The following DNAH3 variants were observed in gnomAD, a reference collection of about 807,000 sequenced individuals.
DNAH3 encodes axonemal beta dynein heavy chain 3.
Under a neutral mutation model 432.5 loss-of-function variants are expected in DNAH3, and 332 were observed. That is an observed-to-expected ratio of 0.77 (90% CI 0.70 to 0.84). The LOEUF is 0.84. DNAH3 is among the 40% of genes least tolerant of loss of function. The pLI is 0.00. For synonymous variants in DNAH3, 1,956 were observed against 1,900.2 expected (o/e 1.03, Z -0.76); for missense variants, 4,861 against 5,114.0 (o/e 0.95, Z 1.51).
chr16:20,943,719 G>A (rs965284183), intron 58 of DNAH3, among the ~76,000 whole-genome samples: 3 of 152,260 alleles, frequency 2.0e-5, no homozygotes, highest in East Asian at 1.9e-4. Context: ...AGTGGCTCAC[G>A]CCTGTAATCC....
At position 20,948,492 on chromosome 16, in the gene DNAH3, G is replaced by A. The variant is rs1273673413; in HGVS notation, c.11334C>T (p.Gly3778=). 6 of 1,613,426 alleles carry A rather than the reference G, an allele frequency of 3.7e-6. No homozygotes were observed. The African/African-American group carries it at 6.7e-5, about 18-fold the overall frequency. ...CCTGCCCACCCCTTACCTGGTAGGAGCCATGAGGAGGGATGTAGTAAGTGT... is the reference window on the plus strand; with the variant it reads ...CCTGCCCACCCCTTACCTGGTAGGAACCATGAGGAGGGATGTAGTAAGTGT... The change falls in exon 57 of 62, where the codon GGC becomes GGT. Residue 3778 remains glycine, a synonymous_variant. Transcript: ENST00000261383.
rs994147227 is a variant in DNAH3 at position 20,988,183 on chromosome 16, C to T, written c.6602-118G>A. The T allele has an allele frequency of 1.0e-5, 14 of 1,359,080 alleles. No individual in the cohort carries two copies. The African/African-American group carries it at 1.7e-4, about 17-fold the overall frequency. The allele number at this position is 1,359,080 out of a possible 1,614,324, so 84.2% of individuals were successfully genotyped here. ...TCTGCCTTCATGTTCCAGAGCTGTGCTGTGCAATATGGCAACCTCTAGCCA... is the reference window on the plus strand; with the variant it reads ...TCTGCCTTCATGTTCCAGAGCTGTGTTGTGCAATATGGCAACCTCTAGCCA... On this transcript the variant is annotated intron_variant, in intron 44 of 61. Transcript: ENST00000261383.
chr16:21,042,123 A>G (rs2152733798), exon 32 of DNAH3: 2 of 1,613,754 alleles, frequency 1.2e-6, no homozygotes, highest in East Asian at 2.2e-5. Flanking sequence ...CAGTCCCTTC[A>G]AAGATGAATG....
At chr16:20,969,414 CTCTT>C (rs1325395249) in intron 52 of DNAH3, among the ~76,000 whole-genome samples, 2 of 152,094 alleles carry the variant, frequency 1.3e-5, no homozygotes, top group Non-Finnish European at 2.9e-5. Flanking sequence ...TTCCCTAACT[CTCTT>C]TCTCTGCTTC....
At chr16:21,156,246 TA>T (rs2092896984) in intron 1 of DNAH3, among the ~76,000 whole-genome samples, 1 of 151,640 alleles carries the variant, frequency 6.6e-6, no homozygotes, top group Non-Finnish European at 1.5e-5. Flanking sequence ...TATTTTATTT[TA>T]ATGAGCCAGG....
intron 13 of DNAH3, 46 bp downstream of exon 13, chr16:21,111,947 G>A: frequency 6.4e-7 from 1 of 1,559,412 alleles, no homozygotes; most frequent in East Asian, 2.3e-5. Flanking sequence ...TGGATTGTCT[G>A]CAGCACATGT....
chr16:21,050,276 G>A (rs2089899921), intron 29 of DNAH3, among the ~76,000 whole-genome samples: 1 of 152,148 alleles, frequency 6.6e-6, no homozygotes, highest in South Asian at 2.1e-4. Flanking sequence ...ACAGTGTCCA[G>A]CACATGAGTG....
intron 19 of DNAH3, among the ~76,000 whole-genome samples, chr16:21,084,401 C>T (rs7187196): frequency 0.061 from 9,302 of 152,086 alleles, 615 homozygotes; most frequent in African/African-American, 0.16. Context: ...CAGCTCACTG[C>T]AGCCTCAACC....
At chr16:21,003,187 A>G in exon 42 of DNAH3, 1 of 1,609,558 alleles carries the variant, frequency 6.2e-7, no homozygotes, top group South Asian at 1.1e-5. Context: ...TGTTTGATAA[A>G]ATAAAAATCA....
At chr16:21,152,861 G>A (rs546605888) in intron 1 of DNAH3, among the ~76,000 whole-genome samples, 88 of 152,338 alleles carry the variant, frequency 5.8e-4, no homozygotes, top group African/African-American at 2.0e-3. Flanking sequence ...CTTGCAGCCC[G>A]CCATGCCTGA....
At chr16:20,943,507 A>T (rs1166803438) in intron 58 of DNAH3, among the ~76,000 whole-genome samples, 2 of 152,128 alleles carry the variant, frequency 1.3e-5, no homozygotes, top group Non-Finnish European at 2.9e-5. Context: ...TACAGGTGCG[A>T]TTCACTGCAC....
At chr16:21,106,796 T>A (rs558462191) in intron 14 of DNAH3, 122 bp from the exon 15 acceptor site, 200 of 884,718 alleles carry the variant, frequency 2.3e-4, no homozygotes, top group Admixed American at 9.8e-4. Context: ...AAAAAGAAAA[T>A]TTTTTTTTAA....
At chr16:21,149,683 G>GTTCA (rs781525852) in intron 1 of DNAH3, among the ~76,000 whole-genome samples, 1 of 152,160 alleles carries the variant, frequency 6.6e-6, no homozygotes, top group Non-Finnish European at 1.5e-5. Flanking sequence ...ATATTCTAAT[G>GTTCA]TTCAGCCACA....
At chr16:21,148,225 T>C (rs2152834287) in intron 1 of DNAH3, among the ~76,000 whole-genome samples, 1 of 152,208 alleles carries the variant, frequency 6.6e-6, no homozygotes, top group East Asian at 1.9e-4. Flanking sequence ...ACCTACCTCA[T>C]TAAATAACAA....
At chr16:21,079,208 A>G (rs1365550102) in intron 20 of DNAH3, among the ~76,000 whole-genome samples, 1 of 152,178 alleles carries the variant, frequency 6.6e-6, no homozygotes, top group Admixed American at 6.5e-5. Flanking sequence ...CCTAAGTGAA[A>G]TGTTCATTCT....
intron 42 of DNAH3, among the ~76,000 whole-genome samples, chr16:21,002,434 A>C (rs1274699582): frequency 7.6e-5 from 10 of 131,744 alleles, no homozygotes; most frequent in Non-Finnish European, 1.1e-4. Flanking sequence ...ACTGATGACT[A>C]TCTGGTGTTG....
At chr16:21,001,221 C>T (rs1475915612) in intron 42 of DNAH3, among the ~76,000 whole-genome samples, 1 of 152,180 alleles carries the variant, frequency 6.6e-6, no homozygotes, top group African/African-American at 2.4e-5. Context: ...GGCCGGGTCT[C>T]GGGCTCCTGG....
intron 15 of DNAH3, among the ~76,000 whole-genome samples, chr16:21,106,283 G>A (rs1567800880): frequency 6.6e-6 from 1 of 151,640 alleles, no homozygotes; most frequent in Non-Finnish European, 1.5e-5. Context: ...GTGGATATGA[G>A]TATAAAATTC....
At chr16:20,962,254 C>T (rs1226394335) in intron 53 of DNAH3, among the ~76,000 whole-genome samples, 1 of 152,082 alleles carries the variant, frequency 6.6e-6, no homozygotes, top group Non-Finnish European at 1.5e-5. Flanking sequence ...TTTTCAAAGG[C>T]CACTAAAACT....
Sources: allele counts gnomAD v4.1 joint callset (sites outside exome capture counted in the v4.1 genomes callset), GRCh38; gene constraint gnomAD v4.1.1; transcripts MANE v1.5; gene names NCBI Gene and HGNC (gene_info 2026-07-23, HGNC 2026-07-21).